The following PLAAT5 variants were observed in gnomAD, a reference collection of about 807,000 sequenced individuals.
PLAAT5 encodes the protein Ca(2+)-independent N-acyltransferase.
In PLAAT5, 27 loss-of-function variants were observed where a neutral mutation model predicts 27.8. The ratio of observed to expected loss-of-function variants is 0.97; its 90% CI spans 0.72 to 1.34. The LOEUF (loss-of-function observed/expected upper bound fraction) is 1.34. Ranked by LOEUF, PLAAT5 falls within the 40% of genes most tolerant of loss-of-function variation. The pLI is 0.00. For synonymous variants in PLAAT5, 125 were observed against 136.1 expected (o/e 0.92, Z 0.57); for missense variants, 368 against 343.8 (o/e 1.07, Z -0.56).
At chr11:63,490,494 C>A (rs1021174946) in intron 1 of PLAAT5, 161 bp from the exon 2 acceptor site, 3 of 1,145,192 alleles carry the variant, frequency 2.6e-6, no homozygotes, top group Non-Finnish European at 3.8e-6. Context: ...GGTTGTGGAA[C>A]TAGGTGCTGG....
chr11:63,482,702 TA>T lies in PLAAT5; in HGVS notation c.345+6168del, dbSNP rs533482995. Among the ~76,000 whole-genome samples the T allele has an allele frequency of 6.4e-3, 969 of 151,308 alleles. 4 individuals carry two copies. Among genetic ancestry groups the T allele is most frequent in the South Asian group, 0.015 (72 of 4,784 alleles). On this transcript the variant is annotated intron_variant, in intron 3 of 5. Transcript: ENST00000540857. ...GCCTATAAAATAATAACACAATTTT[TA>T]AAAAAAAAGATATTCAGGCAACAAC... is the stretch of plus-strand genomic sequence containing the variant.
At chr11:63,480,361 G>A (rs888664744) in intron 3 of PLAAT5, among the ~76,000 whole-genome samples, 3 of 152,192 alleles carry the variant, frequency 2.0e-5, no homozygotes, top group African/African-American at 2.4e-5. Flanking sequence ...AACAAGCTTT[G>A]TGGTACAGAA....
At chr11:63,476,895 T>A (rs2016165033) in intron 3 of PLAAT5, among the ~76,000 whole-genome samples, 1 of 152,182 alleles carries the variant, frequency 6.6e-6, no homozygotes, top group Non-Finnish European at 1.5e-5. Flanking sequence ...CTACTCTTCA[T>A]ACTAGGTAGT....
chr11:63,485,571 C>T (rs958927273), intron 3 of PLAAT5, among the ~76,000 whole-genome samples: 11 of 152,160 alleles, frequency 7.2e-5, no homozygotes, highest in South Asian at 2.1e-4. Context: ...TGGCAAGCCA[C>T]ATGTAGAAGA....
intron 5 of PLAAT5, among the ~76,000 whole-genome samples, chr11:63,465,149 A>G (rs1336270392): frequency 6.6e-6 from 1 of 151,866 alleles, no homozygotes; most frequent in Non-Finnish European, 1.5e-5. Context: ...GTGGTGGCGC[A>G]CACCTAGTAA....
intron 3 of PLAAT5, among the ~76,000 whole-genome samples, 159 bp from the exon 4 acceptor site, chr11:63,468,624 A>G (rs2015929868): frequency 6.6e-6 from 1 of 152,134 alleles, no homozygotes; most frequent in Non-Finnish European, 1.5e-5. Context: ...TGAGGACCAA[A>G]GAAGTCCCCT....
At chr11:63,487,043 A>G (rs1381669729) in intron 3 of PLAAT5, among the ~76,000 whole-genome samples, 2 of 152,228 alleles carry the variant, frequency 1.3e-5, no homozygotes, top group Non-Finnish European at 2.9e-5. Flanking sequence ...GTTGCTTTTT[A>G]TCAACAGTTC....
Position 63,463,682 on chromosome 11 carries a change from C to A in PLAAT5, c.718-87G>T. On this transcript the variant is annotated intron_variant, in intron 5 of 5. Transcript: ENST00000540857. ...CCTCCACCCCACCATACCCATTCAG[C>A]AACCAGCCTGTCTGGAGTCTATTCC... 3.0e-6 allele frequency: 3 copies of A among 990,118 alleles called. No homozygotes were observed. The South Asian group carries it at 3.9e-5, about 13-fold the overall frequency. The allele number at this position is 990,118 out of a possible 1,614,324, so 61.3% of individuals were successfully genotyped here.
rs956011408 is a variant in PLAAT5, at chr11:63,486,035, C to T, written c.345+2836G>A. Among the ~76,000 whole-genome samples, 12 of 152,240 alleles carry T rather than the reference C, an allele frequency of 7.9e-5. No individual in the cohort carries two copies. In the East Asian group the frequency reaches 1.2e-3, roughly 15 times the overall value. On this transcript the variant is annotated intron_variant, in intron 3 of 5. Transcript: ENST00000540857. The stretch of plus-strand genomic sequence containing the variant: ...ACAAACATATTAAAAAACTGCTCAA[C>T]GTCACTAATTATCAGAGAAATGCAA...
chr11:63,490,516 T>C (rs1565218527), intron 1 of PLAAT5, 183 bp from the exon 2 acceptor site: 4 of 893,226 alleles, frequency 4.5e-6, no homozygotes, highest in South Asian at 3.2e-5. Flanking sequence ...GCGGGTTCAG[T>C]TCCTCTGCCA....
Position 63,491,018 on chromosome 11 carries a change from C to T in PLAAT5, c.17G>A (p.Gly6Asp). 1 of 1,506,878 alleles carries T rather than the reference C, an allele frequency of 6.6e-7. No homozygotes were observed. 93.3% of individuals were successfully genotyped at this position (1,506,878 alleles called of 1,614,324 possible). ...GCGGAGCGCGTACTCCCCCTCGGCGCCCGGGCTCAGGCCCATCCCGCCTCT... is the reference window on the plus strand; with the variant it reads ...GCGGAGCGCGTACTCCCCCTCGGCGTCCGGGCTCAGGCCCATCCCGCCTCT... MGLSPGAEGEYALRLP... is the reference protein window; with the variant it reads MGLSPDAEGEYALRLP... Residue 6 changes from glycine to aspartate, a missense_variant, in exon 1 of 6, where the codon GGC (glycine) becomes GAC (aspartate). Gly to Asp is a moderately conservative substitution (Grantham distance 94). Coordinates refer to ENST00000540857, the MANE Select transcript of PLAAT5 (RefSeq NM_001146729.2).
At chr11:63,475,532 G>C (rs889983340) in intron 3 of PLAAT5, among the ~76,000 whole-genome samples, 1 of 151,706 alleles carries the variant, frequency 6.6e-6, no homozygotes, top group Non-Finnish European at 1.5e-5. Context: ...CTTGTGGATG[G>C]CATATAACTG....
Position 63,468,345 on chromosome 11 carries a change from A to G in PLAAT5, c.454+12T>C, listed in dbSNP as rs542244391. 1.3e-6 allele frequency: 2 copies of G among 1,568,418 alleles called. No individual in the cohort carries two copies. The highest frequency in any genetic ancestry group is 1.4e-5 in the African/African-American group (1 of 73,992). On this transcript the variant is annotated intron_variant, in intron 4 of 5. Transcript: ENST00000540857. ...TTCAATATCAGTATTTCAATAGACT[A>G]TTCACTCTTACTTGGGGGAGCCAGA...
In PLAAT5 at chr11:63,491,135, T is replaced by C; in HGVS notation, c.-101A>G. ...CCCTGGTCGGCGGAGCCGCGGAAGC[T>C]TGGGCACTGGGGGCGGCTCGGGGAG... is the stretch of plus-strand genomic sequence containing the variant. On this transcript the variant is annotated 5_prime_UTR_variant, in exon 1 of 6. Coordinates refer to ENST00000540857, the MANE Select transcript of PLAAT5 (RefSeq NM_001146729.2). The C allele has an allele frequency of 1.8e-6, 2 of 1,087,156 alleles. No homozygotes were observed. The highest frequency in any genetic ancestry group is 4.5e-5 in the South Asian group (2 of 44,202). 67.3% of individuals were successfully genotyped at this position (1,087,156 alleles called of 1,614,324 possible).
chr11:63,473,910 G>C (rs2016091975), intron 3 of PLAAT5, among the ~76,000 whole-genome samples: 1 of 151,842 alleles, frequency 6.6e-6, no homozygotes, highest in African/African-American at 2.4e-5. Context: ...TGTTAACCAG[G>C]CTGATCTCAA....
chr11:63,468,781 A>C (rs765265029), intron 3 of PLAAT5, among the ~76,000 whole-genome samples: 3 of 152,210 alleles, frequency 2.0e-5, no homozygotes. Context: ...TCCTTAAAGC[A>C]AGTAAGATGT....
At chr11:63,479,542 A>C (rs149025172) in intron 3 of PLAAT5, among the ~76,000 whole-genome samples, 1 of 152,378 alleles carries the variant, frequency 6.6e-6, no homozygotes, top group African/African-American at 2.4e-5. Context: ...TTTTTGATTC[A>C]TAGATTGTCT....
intron 3 of PLAAT5, among the ~76,000 whole-genome samples, chr11:63,477,930 C>T (rs1206001019): frequency 6.6e-6 from 1 of 152,174 alleles, no homozygotes; most frequent in Non-Finnish European, 1.5e-5. Context: ...TCCAGTCTGT[C>T]CTGAATGTGA....
intron 2 of PLAAT5, among the ~76,000 whole-genome samples, chr11:63,489,565 C>A (rs1431279141): frequency 1.3e-5 from 2 of 152,154 alleles, no homozygotes; most frequent in Non-Finnish European, 2.9e-5. Flanking sequence ...TACTTCGAAG[C>A]CAAAAGATCT....
Sources: allele counts gnomAD v4.1 joint callset (sites outside exome capture counted in the v4.1 genomes callset), GRCh38; gene constraint gnomAD v4.1.1; transcripts MANE v1.5; gene names NCBI Gene and HGNC (gene_info 2026-07-23, HGNC 2026-07-21).